DLGAP2: variants seen among roughly 807,000 people sequenced by gnomAD.
DLGAP2 encodes DLG associated protein 2.
DLGAP2 carries 26 observed loss-of-function variants against 100.3 expected under a neutral mutation model. That is an observed-to-expected ratio of 0.26 (90% CI 0.19 to 0.36). The LOEUF (loss-of-function observed/expected upper bound fraction) is 0.36, where lower values mean the gene tolerates loss of function less well. DLGAP2 is among the 10% of genes least tolerant of loss of function. The pLI is 1.00. For synonymous variants in DLGAP2, 886 were observed against 630.1 expected, an observed-to-expected ratio of 1.41 and a Z score of -6.08; for missense variants, 1,858 against 1,453.2, an observed-to-expected ratio of 1.28 and a Z score of -4.53.
At chr8:1,057,404 C>T (rs1281254033) in intron 2 of DLGAP2, among the ~76,000 whole-genome samples, 1 of 152,204 alleles carries the variant, frequency 6.6e-6, no homozygotes, top group Non-Finnish European at 1.5e-5. Flanking sequence ...CACGTATTTT[C>T]CATTTTACTA....
intron 1 of DLGAP2, among the ~76,000 whole-genome samples, chr8:803,161 T>C (rs1196836455): frequency 6.6e-6 from 1 of 151,988 alleles, no homozygotes; most frequent in African/African-American, 2.4e-5. Flanking sequence ...GTCTAGACTT[T>C]GGGCCTGGGT....
chr8:871,770 C>T (rs1235088453), intron 1 of DLGAP2, among the ~76,000 whole-genome samples: 1 of 152,110 alleles, frequency 6.6e-6, no homozygotes, highest in Non-Finnish European at 1.5e-5. Context: ...TCAGCCTGAG[C>T]TGGATTTACA....
intron 3 of DLGAP2, among the ~76,000 whole-genome samples, chr8:1,275,246 C>T (rs958054183): frequency 6.6e-6 from 1 of 152,072 alleles, no homozygotes; most frequent in Non-Finnish European, 1.5e-5. Context: ...TGGTCCAGAT[C>T]CCTCAGTCTA....
At chr8:816,641 G>T (rs1405987090) in intron 1 of DLGAP2, among the ~76,000 whole-genome samples, 1 of 152,146 alleles carries the variant, frequency 6.6e-6, no homozygotes, top group Non-Finnish European at 1.5e-5. Flanking sequence ...TTTGCCTCCA[G>T]CTCTTAAAAT....
chr8:1,678,157 G>T, intron 11 of DLGAP2, 57 bp from the exon 12 acceptor site: 1 of 1,545,088 alleles, frequency 6.5e-7, no homozygotes, highest in Non-Finnish European at 8.8e-7. Context: ...GTAGGACTTT[G>T]TTGCATGAAG....
At chr8:832,606 G>A (rs1796803066) in intron 1 of DLGAP2, among the ~76,000 whole-genome samples, 1 of 152,228 alleles carries the variant, frequency 6.6e-6, no homozygotes, top group South Asian at 2.1e-4. Context: ...TTGGGAAAAT[G>A]TTAATTGTGG....
intron 3 of DLGAP2, among the ~76,000 whole-genome samples, chr8:1,329,953 C>G (rs1272601520): frequency 6.6e-6 from 1 of 152,226 alleles, no homozygotes. Context: ...GCTTCCTCTC[C>G]CCATCCGATT....
At chr8:1,486,493 G>C (rs1799239819) in intron 3 of DLGAP2, among the ~76,000 whole-genome samples, 2 of 152,212 alleles carry the variant, frequency 1.3e-5, no homozygotes, top group African/African-American at 4.8e-5. Flanking sequence ...TTGCCTTGGA[G>C]AGGGGAAAGA....
At chr8:1,422,774 AGCAGGGGAAAGGCTGAGG>A (rs1797133207) in intron 3 of DLGAP2, among the ~76,000 whole-genome samples, 1 of 152,078 alleles carries the variant, frequency 6.6e-6, no homozygotes, top group Admixed American at 6.6e-5. Flanking sequence ...TCCTTTCGTT[AGCAGGGGAAAGGCTGAGG>A]GCATGGGAGT....
intron 1 of DLGAP2, among the ~76,000 whole-genome samples, chr8:771,992 TCC>T (rs1821375738): frequency 6.6e-6 from 1 of 152,140 alleles, no homozygotes; most frequent in Non-Finnish European, 1.5e-5. Context: ...AGCCTCCAAC[TCC>T]TGGACTCAAG....
intron 2 of DLGAP2, among the ~76,000 whole-genome samples, chr8:1,223,626 G>C (rs1798360161): frequency 6.6e-6 from 1 of 152,154 alleles, no homozygotes; most frequent in African/African-American, 2.4e-5. Context: ...TTAAACACTA[G>C]AGACATACGC....
chr8:1,675,254 C>T (rs778652065), intron 10 of DLGAP2, among the ~76,000 whole-genome samples: 13 of 152,218 alleles, frequency 8.5e-5, no homozygotes, highest in Admixed American at 2.0e-4. Flanking sequence ...GTCTTCTGTG[C>T]GGCACCCGGC....
intron 3 of DLGAP2, among the ~76,000 whole-genome samples, chr8:1,466,539 GTGTGTA>G (rs760881740): frequency 0.014 from 2,169 of 149,984 alleles, 24 homozygotes; most frequent in Non-Finnish European, 0.023. Flanking sequence ...GTGTGTGTGT[GTGTGTA>G]TGTGTGTGTG....
chr8:1,119,234 A>G (rs905034755), intron 2 of DLGAP2, among the ~76,000 whole-genome samples: 2 of 152,238 alleles, frequency 1.3e-5, no homozygotes, highest in Non-Finnish European at 1.5e-5. Context: ...AATTTTAAGT[A>G]GGTTTGGAAT....
chr8:1,066,968 G>A (rs983746771), intron 2 of DLGAP2, among the ~76,000 whole-genome samples: 1 of 152,204 alleles, frequency 6.6e-6, no homozygotes, highest in Non-Finnish European at 1.5e-5. Context: ...GGCTTCTGCC[G>A]CATCCCCAGC....
At chr8:1,287,129 A>AGC (rs1799938496) in intron 3 of DLGAP2, among the ~76,000 whole-genome samples, 1 of 121,660 alleles carries the variant, frequency 8.2e-6, no homozygotes, top group Admixed American at 9.4e-5. Flanking sequence ...GTTTCGGTTC[A>AGC]GCGTGTGTGT....
At chr8:994,119 A>G (rs557743046) in intron 2 of DLGAP2, among the ~76,000 whole-genome samples, 2 of 152,206 alleles carry the variant, frequency 1.3e-5, no homozygotes, top group African/African-American at 2.4e-5. Flanking sequence ...CCACTGCACT[A>G]CAATGTCATT....
At chr8:1,312,308 G>C (rs545899061) in intron 3 of DLGAP2, among the ~76,000 whole-genome samples, 1 of 152,308 alleles carries the variant, frequency 6.6e-6, no homozygotes, top group Non-Finnish European at 1.5e-5. Flanking sequence ...CGCACCGAAG[G>C]CACCTAGGAA....
intron 2 of DLGAP2, among the ~76,000 whole-genome samples, chr8:1,226,683 CCAA>C (rs1339577110): frequency 1.3e-5 from 2 of 152,062 alleles, no homozygotes; most frequent in Non-Finnish European, 2.9e-5. Flanking sequence ...ATAAAAATGA[CCAA>C]CATGGTTTTG....
Sources: allele counts gnomAD v4.1 joint callset (sites outside exome capture counted in the v4.1 genomes callset), GRCh38; gene constraint gnomAD v4.1.1; transcripts MANE v1.5; gene names NCBI Gene and HGNC (gene_info 2026-07-23, HGNC 2026-07-21).